Variants in RUNDC3B observed in about 807,000 individuals in gnomAD.
RUNDC3B encodes the protein RUN domain containing 3B.
A neutral mutation model predicts 58.4 loss-of-function variants in RUNDC3B; 33 were observed. The observed-to-expected ratio is 0.56, with a 90% CI of 0.43 to 0.75. The LOEUF is 0.75. Ranked by LOEUF, RUNDC3B falls within the 30% of genes least tolerant of loss-of-function variation. The probability of loss-of-function intolerance (pLI) is 0.00; values close to 1 mark genes in which losing one functional copy is unlikely to be tolerated. For missense variants in RUNDC3B, 501 were observed against 535.7 expected, an observed-to-expected ratio of 0.94 and a Z score of 0.64; for synonymous variants, 193 against 195.2, an observed-to-expected ratio of 0.99 and a Z score of 0.10.
chr7:87,661,910 A>C (rs538568854), intron 2 of RUNDC3B, among the ~76,000 whole-genome samples: 15 of 152,044 alleles, frequency 9.9e-5, no homozygotes, highest in Admixed American at 9.8e-4. Context: ...CCTCACCAGT[A>C]TTCATTATTG....
chr7:87,701,077 A>T (rs1366458121), intron 3 of RUNDC3B, among the ~76,000 whole-genome samples: 1 of 152,210 alleles, frequency 6.6e-6, no homozygotes, highest in Non-Finnish European at 1.5e-5. Flanking sequence ...TGAGTAATAA[A>T]ATGGGAAGTA....
At chr7:87,824,039 C>A (rs1375629291) in intron 10 of RUNDC3B, among the ~76,000 whole-genome samples, 1 of 152,026 alleles carries the variant, frequency 6.6e-6, no homozygotes, top group Non-Finnish European at 1.5e-5. Flanking sequence ...ATTTCTGTAT[C>A]CTATTAAAGT....
At chr7:87,773,422 AAATT>A (rs1270468489) in intron 7 of RUNDC3B, among the ~76,000 whole-genome samples, 5 of 152,240 alleles carry the variant, frequency 3.3e-5, no homozygotes, top group South Asian at 2.1e-4. Context: ...TATGAAGCAA[AAATT>A]AATTAAATGT....
intron 1 of RUNDC3B, among the ~76,000 whole-genome samples, chr7:87,634,494 T>TG (rs58092989): frequency 0.039 from 2,820 of 73,168 alleles, 54 homozygotes; most frequent in African/African-American, 0.092. Context: ...TGGTGGGGGG[T>TG]GGGGGGGGGG....
chr7:87,735,032 G>A (rs1437464108), intron 4 of RUNDC3B, among the ~76,000 whole-genome samples: 2 of 151,794 alleles, frequency 1.3e-5, no homozygotes, highest in African/African-American at 4.8e-5. Flanking sequence ...CCATTCCCCT[G>A]GCTTGAAATA....
intron 2 of RUNDC3B, among the ~76,000 whole-genome samples, chr7:87,669,974 T>C (rs1825667691): frequency 6.6e-6 from 1 of 152,164 alleles, no homozygotes; most frequent in Non-Finnish European, 1.5e-5. Flanking sequence ...GTATAGAATC[T>C]TGCAGGAGTT....
chr7:87,764,460 T>C (rs1210365578), intron 6 of RUNDC3B, among the ~76,000 whole-genome samples: 1 of 151,822 alleles, frequency 6.6e-6, no homozygotes, highest in African/African-American at 2.4e-5. Context: ...GGTTTGTTAG[T>C]TGGATATATT....
Position 87,790,800 on chromosome 7 carries a change from C to CA in RUNDC3B, c.956+12853dup, listed in dbSNP as rs954691097. On this transcript the variant is annotated intron_variant, in intron 8 of 10. Transcript: ENST00000394654. ...TTTGAAAATTCAGAGTCAGAGGAGA[C>CA]AAAAAAAATAGAAAAAGAATAAAGC... 8.1e-4 allele frequency among the ~76,000 whole-genome samples: 121 copies of CA among 150,140 alleles called. 2 individuals carry two copies. Among genetic ancestry groups the CA allele is most frequent in the African/African-American group, 2.9e-3 (118 of 40,854 alleles).
At chr7:87,712,886 A>G (rs1234229070) in intron 4 of RUNDC3B, among the ~76,000 whole-genome samples, 6 of 152,180 alleles carry the variant, frequency 3.9e-5, no homozygotes, top group Admixed American at 6.5e-5. Flanking sequence ...ATCGAATAAT[A>G]GGATTTAAAT....
At chr7:87,642,339 C>A (rs1298390168) in intron 1 of RUNDC3B, among the ~76,000 whole-genome samples, 1 of 151,558 alleles carries the variant, frequency 6.6e-6, no homozygotes, top group African/African-American at 2.4e-5. Context: ...TTTTTCTGTT[C>A]TTCACGTTGT....
intron 2 of RUNDC3B, among the ~76,000 whole-genome samples, chr7:87,689,827 A>G (rs1403353724): frequency 6.6e-6 from 1 of 152,144 alleles, no homozygotes; most frequent in Non-Finnish European, 1.5e-5. Flanking sequence ...CTAGACGTCT[A>G]ATGATAAATT....
chr7:87,794,898 A>G (rs1009909930), intron 8 of RUNDC3B, among the ~76,000 whole-genome samples: 129 of 152,320 alleles, frequency 8.5e-4, no homozygotes, highest in African/African-American at 2.9e-3. Flanking sequence ...AGTGTTTTCT[A>G]TAAATAAACC....
intron 6 of RUNDC3B, among the ~76,000 whole-genome samples, chr7:87,765,851 T>A (rs1024210904): frequency 2.0e-5 from 3 of 152,004 alleles, no homozygotes; most frequent in South Asian, 2.1e-4. Flanking sequence ...ATTTTTTTTT[T>A]ATTTTCTGCC....
chr7:87,769,254 G>T (rs1183279462), intron 6 of RUNDC3B, among the ~76,000 whole-genome samples: 1 of 151,030 alleles, frequency 6.6e-6, no homozygotes, highest in Non-Finnish European at 1.5e-5. Flanking sequence ...CAAGTGATCC[G>T]CCCACCTTGG....
chr7:87,812,014 TCA>T (rs1836745860), intron 9 of RUNDC3B, among the ~76,000 whole-genome samples: 1 of 152,218 alleles, frequency 6.6e-6, no homozygotes, highest in African/African-American at 2.4e-5. Flanking sequence ...CTTCTATGTA[TCA>T]CACTGTCTGT....
chr7:87,715,238 ATATATATAATTATAT>A (rs1456165133), intron 4 of RUNDC3B, among the ~76,000 whole-genome samples: 2 of 134,168 alleles, frequency 1.5e-5, no homozygotes, highest in Middle Eastern at 3.7e-3. Context: ...TAAGGACTTT[ATATATATAATTATAT>A]TATATATAAT....
chr7:87,762,614 C>CTAGTATAT (rs1288009586), intron 6 of RUNDC3B, among the ~76,000 whole-genome samples: 1 of 151,164 alleles, frequency 6.6e-6, no homozygotes, highest in African/African-American at 2.4e-5. Context: ...TAATATTTTT[C>CTAGTATAT]TAGTATATTC....
In RUNDC3B at chr7:87,700,899, C is replaced by T. The variant is rs546043275; in HGVS notation, c.372+345C>T. On this transcript the variant is annotated intron_variant, in intron 3 of 10. Coordinates refer to ENST00000394654, the MANE Select transcript of RUNDC3B (RefSeq NM_001134405.2). Reference sequence around the variant, plus strand: ...GGATAAAACTGTTGGAACCTTAGCACGAATTAATGCAGTGACATCAAACTG... The same window carrying T: ...GGATAAAACTGTTGGAACCTTAGCATGAATTAATGCAGTGACATCAAACTG... Among the ~76,000 whole-genome samples, 10 of 152,306 alleles carry T rather than the reference C, an allele frequency of 6.6e-5. No individual in the cohort carries two copies. The South Asian group carries it at 1.9e-3, about 28-fold the overall frequency.
intron 8 of RUNDC3B, among the ~76,000 whole-genome samples, chr7:87,783,848 A>AG (rs1835071672): frequency 6.6e-6 from 1 of 152,080 alleles, no homozygotes; most frequent in African/African-American, 2.4e-5. Context: ...TCTGGTGTGT[A>AG]TAGTTTCTGT....
Sources: allele counts gnomAD v4.1 joint callset (sites outside exome capture counted in the v4.1 genomes callset), GRCh38; gene constraint gnomAD v4.1.1; transcripts MANE v1.5; gene names NCBI Gene and HGNC (gene_info 2026-07-23, HGNC 2026-07-21).